The following TMEM239 variants were observed in gnomAD, a reference collection of about 807,000 sequenced individuals.
The protein encoded by TMEM239 is transmembrane protein 239.
In TMEM239, 10 loss-of-function variants were observed where a neutral mutation model predicts 14.6. The ratio of observed to expected loss-of-function variants is 0.68; its 90% CI spans 0.42 to 1.16. The LOEUF (loss-of-function observed/expected upper bound fraction) is 1.16. TMEM239 is among the 50% of genes most tolerant of loss of function. TMEM239 has a pLI of 0.00. For synonymous variants in TMEM239, 94 were observed against 89.9 expected (o/e 1.05, Z -0.26); for missense variants, 183 against 194.4 (o/e 0.94, Z 0.35).
At chr20:2,815,787 CA>C, upstream of TMEM239, 3 of 1,598,534 alleles carry the variant, frequency 1.9e-6, no homozygotes, top group Non-Finnish European at 2.6e-6. Context: ...AGCCCCTCCC[CA>C]CAACTCAGTG....
chr20:2,816,981 C>A lies in TMEM239; in HGVS notation c.427C>A (p.His143Asn). Residue 143 changes from histidine to asparagine, a missense_variant, in exon 2 of 2, where the codon CAC becomes AAC. His to Asn is a moderately conservative substitution (Grantham distance 68). Transcript: ENST00000380585. ...SLVGLLTSMT[H>N]PGDTQDLDQ ...TGTGGGCCTCCTCACCTCCATGACT[C>A]ACCCAGGCGACACTCAGGATTTGGA... 6.5e-7 allele frequency: 1 copy of A among 1,538,018 alleles called. No homozygotes were observed. Among genetic ancestry groups the A allele is most frequent in the Non-Finnish European group, 8.7e-7 (1 of 1,147,052 alleles).
rs1394044563 is a variant in TMEM239, at chr20:2,817,078, G to A, written c.*65G>A. 6.6e-7 allele frequency: 1 copy of A among 1,520,772 alleles called. No individual in the cohort carries two copies. Among genetic ancestry groups the A allele is most frequent in the African/African-American group, 1.4e-5 (1 of 72,672 alleles). The allele number at this position is 1,520,772 out of a possible 1,614,324, so 94.2% of individuals were successfully genotyped here. A position where few individuals can be genotyped will look rare whatever the true frequency, so the allele number is the denominator to read the frequency against. On this transcript the variant is annotated 3_prime_UTR_variant, in exon 2 of 2. Coordinates refer to ENST00000380585, the MANE Select transcript of TMEM239 (RefSeq NM_001167670.3). ...TGGCCTAGGGCCTGAGACCCCACGG[G>A]GAGAGGGAGGGCAATGGGATCAGGG...
chr20:2,816,536 C>T lies in TMEM239; in HGVS notation c.-11-8C>T, dbSNP rs1287552936. 1.7e-5 allele frequency: 26 copies of T among 1,493,806 alleles called. No individual in the cohort carries two copies. Among genetic ancestry groups the T allele is most frequent in the Non-Finnish European group, 2.2e-5 (25 of 1,120,082 alleles). 92.5% of individuals were successfully genotyped at this position (1,493,806 alleles called of 1,614,324 possible). ...CAGGCATCTTCAAGACCCTGGCCCT[C>T]TCCCCAGGTGCACCAGACATGATGC... On this transcript the variant is annotated splice_region_variant and splice_polypyrimidine_tract_variant and intron_variant, in intron 1 of 1. Transcript: ENST00000380585.
At position 2,816,720 on chromosome 20, in the gene TMEM239, C is replaced by G. The variant is rs1696262698; in HGVS notation, c.166C>G (p.Gln56Glu). 1 of 1,548,098 alleles carries G rather than the reference C, an allele frequency of 6.5e-7. No homozygotes were observed. Among genetic ancestry groups the G allele is most frequent in the Non-Finnish European group, 8.7e-7 (1 of 1,145,912 alleles). The change falls in exon 2 of 2, where the codon CAA becomes GAA. Residue 56 changes from glutamine (Q) to glutamate (E), a missense_variant. Transcript: ENST00000380585. ...GTGGTGGAGCACCTCGAACTGGCGG[C>G]AACCGCTGCAGCGCCTGCTGTGGGG... ...IQWWSTSNWR[Q>E]PLQRLLWGLE...
At chr20:2,815,827 T>C, upstream of TMEM239, 1 of 1,468,372 alleles carries the variant, frequency 6.8e-7, no homozygotes, top group Non-Finnish European at 9.3e-7. Context: ...ACCACCCTTC[T>C]TCATCAGGCC....
In TMEM239 at chr20:2,816,917, G is replaced by A. The variant is rs201846867; in HGVS notation, c.363G>A (p.Thr121=). ...VLSALPALLF[T]ASFLLLFSTL... Reference sequence around the variant, plus strand: ...GTGCTCTGCCTGCCCTCCTCTTCACGGCCTCCTTCCTGCTGCTCTTCTCCA... The same window carrying A: ...GTGCTCTGCCTGCCCTCCTCTTCACAGCCTCCTTCCTGCTGCTCTTCTCCA... Residue 121 remains threonine (T), a synonymous_variant, in exon 2 of 2, where the codon ACG becomes ACA. Transcript: ENST00000380585. 419 of 1,539,918 alleles carry A rather than the reference G, an allele frequency of 2.7e-4. 3 individuals carry two copies. Among genetic ancestry groups the A allele is most frequent in the Admixed American group, 1.4e-4 (7 of 50,980 alleles).
At chr20:2,819,675 A>G (rs2088707215), downstream of TMEM239, 1 of 149,248 alleles carries the variant, frequency 6.7e-6, no homozygotes, top group African/African-American at 2.5e-5. Flanking sequence ...TCCCAGGTCC[A>G]AGCAATTCTC....
chr20:2,816,427 T>C lies in TMEM239; in HGVS notation c.-12+12T>C, dbSNP rs1249070610. 3 of 1,535,300 alleles carry C rather than the reference T, an allele frequency of 2.0e-6. No homozygotes were observed. In the East Asian group the frequency reaches 7.3e-5, roughly 38 times the overall value. On this transcript the variant is annotated intron_variant, in intron 1 of 1. Transcript: ENST00000380585. ...GTAACTGCCCAGAGGTAAGTCCCAG[T>C]CCCTAATTCTGTAGCCCCACCCCAC...
In TMEM239 at chr20:2,816,591, G is replaced by A. The variant is rs1345004554; in HGVS notation, c.37G>A (p.Gly13Arg). The A allele has an allele frequency of 9.8e-6, 15 of 1,536,678 alleles. No individual in the cohort carries two copies. Among genetic ancestry groups the A allele is most frequent in the African/African-American group, 4.1e-5 (3 of 72,812 alleles). The change falls in exon 2 of 2, where the codon GGG (glycine) becomes AGG (arginine). Residue 13 changes from glycine (G) to arginine (R), a missense_variant. Physicochemically the swap from Gly to Arg is moderately radical, Grantham distance 125. Coordinates refer to ENST00000380585, the MANE Select transcript of TMEM239 (RefSeq NM_001167670.3). ...GCCGCGAGTGGAGACAGATACCATC[G>A]GGGCTGGCGAGGGGCCACAGCAGGC... ...QQPRVETDTIGAGEGPQQAVP... is the reference protein window; with the variant it reads ...QQPRVETDTIRAGEGPQQAVP...
At chr20:2,816,330 G>A (rs1004940719), upstream of TMEM239, 19 of 1,535,872 alleles carry the variant, frequency 1.2e-5, no homozygotes, top group Non-Finnish European at 1.4e-5. Flanking sequence ...GGAGGGTGGG[G>A]GTAGATGAGA....
Position 2,816,667 on chromosome 20 carries a change from T to G in TMEM239, c.113T>G (p.Val38Gly), listed in dbSNP as rs1600279494. The change falls in exon 2 of 2, where the codon GTG (valine) becomes GGG (glycine). Residue 38 changes from valine (V) to glycine (G), a missense_variant. Coordinates refer to ENST00000380585, the MANE Select transcript of TMEM239 (RefSeq NM_001167670.3). ...AGGCATGGCTGGGTGCGCTGGTGGG[T>G]GAGCCACATGCCCCCGAGCTGGATC... ...VTRHGWVRWW[V>G]SHMPPSWIQW... 1 of 1,542,412 alleles carries G rather than the reference T, an allele frequency of 6.5e-7. No individual in the cohort carries two copies. Among genetic ancestry groups the G allele is most frequent in the Non-Finnish European group, 8.7e-7 (1 of 1,146,020 alleles).
downstream of TMEM239, chr20:2,820,047 G>A (rs2088709207): frequency 6.6e-6 from 1 of 152,136 alleles, no homozygotes; most frequent in Non-Finnish European, 1.5e-5. Context: ...AATTAGAAGG[G>A]GCAGAAGGTA....
chr20:2,819,146 T>A (rs1157258573), downstream of TMEM239: 1 of 152,270 alleles, frequency 6.6e-6, no homozygotes, highest in Non-Finnish European at 1.5e-5. Context: ...CCAGGCTGCC[T>A]GGCCTAGATC....
chr20:2,816,222 G>C, upstream of TMEM239: 1 of 882,070 alleles, frequency 1.1e-6, no homozygotes, highest in Admixed American at 2.3e-5. Context: ...CAGCCTGGAG[G>C]GTCCGTGCAG....
chr20:2,815,838 C>T (rs1485157015), upstream of TMEM239: 6 of 1,281,344 alleles, frequency 4.7e-6, no homozygotes, highest in African/African-American at 1.4e-5. Flanking sequence ...TCATCAGGCC[C>T]CCTTTTCTCC....
Position 2,817,312 on chromosome 20 carries a change from A to T in TMEM239, c.*299A>T. The T allele has an allele frequency of 4.9e-5, 27 of 553,458 alleles. No homozygotes were observed. The highest frequency in any genetic ancestry group is 1.4e-4 in the South Asian group (5 of 37,036). The allele number at this position is 553,458 out of a possible 1,614,324, so 34.3% of individuals were successfully genotyped here. A position where few individuals can be genotyped will look rare whatever the true frequency, so the allele number is the denominator to read the frequency against. ...CAAGCCACTGATAGCGCCCATATGGATGTGATGATACCCGTGGGGCCCCCT... is the reference window on the plus strand; with the variant it reads ...CAAGCCACTGATAGCGCCCATATGGTTGTGATGATACCCGTGGGGCCCCCT... On this transcript the variant is annotated 3_prime_UTR_variant, in exon 2 of 2. Transcript: ENST00000380585.
upstream of TMEM239, chr20:2,816,355 C>T: frequency 6.5e-7 from 1 of 1,535,984 alleles, no homozygotes; most frequent in Non-Finnish European, 8.7e-7. Context: ...GGACTTGGAT[C>T]TGCCTGCCAG....
At chr20:2,818,179 C>T (rs2088698337), downstream of TMEM239, 1 of 152,226 alleles carries the variant, frequency 6.6e-6, no homozygotes, top group Non-Finnish European at 1.5e-5. Flanking sequence ...AAAACTGACC[C>T]AGCAAGCCGC....
chr20:2,819,053 A>C (rs1358041839), downstream of TMEM239: 1 of 152,298 alleles, frequency 6.6e-6, no homozygotes, highest in African/African-American at 2.4e-5. Context: ...TCAGAGCTAA[A>C]GCCCAGGCCT....
Sources: gnomAD v4.1 joint callset for allele counts on GRCh38, gnomAD v4.1.1 for gene constraint, MANE v1.5 for transcripts, NCBI Gene and HGNC (gene_info 2026-07-23, HGNC 2026-07-21) for gene names.